Variants in TOP3A observed in about 807,000 individuals in gnomAD.
TOP3A encodes DNA topoisomerase III alpha, also known as DNA topoisomerase 3-alpha.
Under a neutral mutation model 111.3 loss-of-function variants are expected in TOP3A, and 64 were observed. That is an observed-to-expected ratio of 0.57 (90% CI 0.47 to 0.71). TOP3A has a LOEUF of 0.71. TOP3A is among the 30% of genes least tolerant of loss of function. The pLI is 0.00. For missense variants in TOP3A, 1,104 were observed against 1,285.0 expected, an observed-to-expected ratio of 0.86 and a Z score of 2.15; for synonymous variants, 484 against 485.1, an observed-to-expected ratio of 1.00 and a Z score of 0.03.
At chr17:18,297,447 CCT>C (rs1280953882) in intron 9 of TOP3A, among the ~76,000 whole-genome samples, 1 of 151,960 alleles carries the variant, frequency 6.6e-6, no homozygotes, top group Non-Finnish European at 1.5e-5. Flanking sequence ...TGTCCCTCTC[CCT>C]CTCCCCACGG....
chr17:18,279,996 C>T (rs370575589), intron 17 of TOP3A, among the ~76,000 whole-genome samples: 4 of 151,894 alleles, frequency 2.6e-5, no homozygotes, highest in East Asian at 3.9e-4. Flanking sequence ...ACTAAAAATA[C>T]AAAAAGTGGT....
intron 16 of TOP3A, among the ~76,000 whole-genome samples, chr17:18,281,090 T>C (rs2142940702): frequency 6.6e-6 from 1 of 152,322 alleles, no homozygotes; most frequent in South Asian, 2.1e-4. Context: ...ACCCATCTGT[T>C]TGTGACAAAG....
At chr17:18,306,719 C>T (rs1981599707) in intron 4 of TOP3A, 172 bp downstream of exon 4, 2 of 569,788 alleles carry the variant, frequency 3.5e-6, no homozygotes, top group East Asian at 2.9e-5. Flanking sequence ...TACTTCAGTC[C>T]CTTGGCCACT....
At chr17:18,284,686 A>G (rs1979979360) in intron 15 of TOP3A, among the ~76,000 whole-genome samples, 1 of 152,230 alleles carries the variant, frequency 6.6e-6, no homozygotes, top group South Asian at 2.1e-4. Flanking sequence ...AATGCTCCAG[A>G]AAACAAATGG....
At position 18,308,223 on chromosome 17, in the gene TOP3A, C is replaced by CAAAAAAAAAAA. The variant is rs201230376; in HGVS notation, c.314+117_314+127dup. 4.1e-5 allele frequency: 10 copies of CAAAAAAAAAAA among 245,776 alleles called. 1 individual carries two copies. In the East Asian group the frequency reaches 4.5e-4, roughly 11 times the overall value. 15.2% of individuals were successfully genotyped at this position (245,776 alleles called of 1,614,324 possible). On this transcript the variant is annotated intron_variant, in intron 3 of 18. Transcript: ENST00000321105. ...TCTCACTCTGAAACTTTGTCTCCAA[C>CAAAAAAAAAAA]AAAAAAAAAAAAAAAAAAAAAAAAA...
chr17:18,271,819 T>G lies in TOP3A; in HGVS notation c.*2983A>C. 1 of 437,372 alleles carries G rather than the reference T, an allele frequency of 2.3e-6. No individual in the cohort carries two copies. The highest frequency in any genetic ancestry group is 4.6e-6 in the Non-Finnish European group (1 of 216,282). 27.1% of individuals were successfully genotyped at this position (437,372 alleles called of 1,614,324 possible). On this transcript the variant is annotated 3_prime_UTR_variant, in exon 19 of 19. Transcript: ENST00000321105. ...GCTCCTGCCTGTTAATCCTAGCACT[T>G]TGGGAGGCCGAGGCTGGTAGATCAC...
intron 7 of TOP3A, 100 bp from the exon 8 acceptor site, chr17:18,302,085 C>A: frequency 7.2e-7 from 1 of 1,390,008 alleles, no homozygotes; most frequent in Non-Finnish European, 1.0e-6. Flanking sequence ...AAACGAATAT[C>A]AAATAGGGAG....
At chr17:18,308,197 G>C (rs938506491) in intron 3 of TOP3A, 154 bp downstream of exon 3, 19 of 449,332 alleles carry the variant, frequency 4.2e-5, no homozygotes, top group Middle Eastern at 5.9e-4. Flanking sequence ...GGGAGACAGA[G>C]TCTCACTCTG....
At chr17:18,282,346 G>A (rs989823611) in intron 16 of TOP3A, among the ~76,000 whole-genome samples, 6 of 152,114 alleles carry the variant, frequency 3.9e-5, no homozygotes, top group African/African-American at 1.4e-4. Context: ...ACTTGCTTCA[G>A]GCCACACCAC....
rs752700075 is a variant in TOP3A, at chr17:18,308,892, A to T, written c.230T>A (p.Leu77Gln). 1.3e-6 allele frequency: 2 copies of T among 1,570,034 alleles called. No individual in the cohort carries two copies. The highest frequency in any genetic ancestry group is 1.7e-6 in the Non-Finnish European group (2 of 1,154,238). Residue 77 changes from leucine (L) to glutamine (Q), a missense_variant, in exon 2 of 19, where the codon CTG becomes CAG. Coordinates refer to ENST00000321105, the MANE Select transcript of TOP3A (RefSeq NM_004618.5). ...FNKIYEFDYH[L>Q]YGQNVTMVMT... ...TATTTTAGCACCTACCTGGCCATAC[A>T]GATGATAATCAAATTCATAGATCTT...
intron 13 of TOP3A, 159 bp downstream of exon 13, chr17:18,290,397 AG>A (rs1259710297): frequency 2.6e-6 from 2 of 781,360 alleles, no homozygotes; most frequent in East Asian, 3.1e-5. Flanking sequence ...TTGTGAACTT[AG>A]GTAAGTTCTT....
At chr17:18,282,360 T>C (rs1050950044) in intron 16 of TOP3A, among the ~76,000 whole-genome samples, 17 of 152,208 alleles carry the variant, frequency 1.1e-4, no homozygotes, top group Non-Finnish European at 1.8e-4. Context: ...ACACCACTTA[T>C]ATGCGGCATA....
chr17:18,297,066 G>A (rs184601567), intron 9 of TOP3A, among the ~76,000 whole-genome samples: 44 of 152,312 alleles, frequency 2.9e-4, no homozygotes, highest in African/African-American at 9.9e-4. Context: ...GAAGCCATAG[G>A]TTGTCTTCCT....
chr17:18,307,237 C>A, intron 3 of TOP3A: 1 of 323,856 alleles, frequency 3.1e-6, no homozygotes, highest in Non-Finnish European at 5.7e-6. Context: ...TTGAGGAACA[C>A]CAAAAGTGAC....
At chr17:18,288,154 T>TATATATATATATAAA (rs1427846577) in intron 13 of TOP3A, among the ~76,000 whole-genome samples, 19 of 132,570 alleles carry the variant, frequency 1.4e-4, no homozygotes, top group African/African-American at 6.1e-4. Context: ...TATATAAATT[T>TATATATATATATAAA]TTTTTTTTTT....
Position 18,314,899 on chromosome 17 carries a change from C to G in TOP3A, c.-121G>C, listed in dbSNP as rs1982163868. On this transcript the variant is annotated 5_prime_UTR_variant, in exon 1 of 19. Coordinates refer to ENST00000321105, the MANE Select transcript of TOP3A (RefSeq NM_004618.5). ...GAGCCTCGCTTCGGTCACGTCCCCACCAGCCTGCTGGCCTTTGGAGCTTCA... is the reference window on the plus strand; with the variant it reads ...GAGCCTCGCTTCGGTCACGTCCCCAGCAGCCTGCTGGCCTTTGGAGCTTCA... The G allele has an allele frequency of 4.5e-6, 2 of 444,450 alleles. No homozygotes were observed. The highest frequency in any genetic ancestry group is 3.7e-6 in the Non-Finnish European group (1 of 269,572). 27.5% of individuals were successfully genotyped at this position (444,450 alleles called of 1,614,324 possible). A position where few individuals can be genotyped will look rare whatever the true frequency, so the allele number is the denominator to read the frequency against.
chr17:18,294,483 C>A (rs1405936343), intron 10 of TOP3A, among the ~76,000 whole-genome samples: 2 of 152,118 alleles, frequency 1.3e-5, no homozygotes, highest in Non-Finnish European at 2.9e-5. Context: ...GCGCACGCCA[C>A]CACGTCCAGC....
intron 8 of TOP3A, among the ~76,000 whole-genome samples, chr17:18,300,830 C>T (rs1450311451): frequency 6.6e-6 from 1 of 152,090 alleles, no homozygotes; most frequent in African/African-American, 2.4e-5. Context: ...GGTCCAGGGT[C>T]AAAGGGTGGA....
chr17:18,303,253 T>C (rs998610295), intron 5 of TOP3A, among the ~76,000 whole-genome samples: 1 of 152,184 alleles, frequency 6.6e-6, no homozygotes, highest in African/African-American at 2.4e-5. Flanking sequence ...CACAATGCAC[T>C]GTGGAAGGCC....
Sources: allele counts gnomAD v4.1 joint callset (sites outside exome capture counted in the v4.1 genomes callset), GRCh38; gene constraint gnomAD v4.1.1; transcripts MANE v1.5; gene names NCBI Gene and HGNC (gene_info 2026-07-23, HGNC 2026-07-21).